The following CAMKV variants were observed in gnomAD, a reference collection of about 807,000 sequenced individuals.
CAMKV encodes caM kinase-like vesicle-associated protein.
In CAMKV, 5 loss-of-function variants were observed where a neutral mutation model predicts 50.2. The ratio of observed to expected loss-of-function variants is 0.10; its 90% CI spans 0.05 to 0.21. CAMKV has a LOEUF of 0.21. Ranked by LOEUF, CAMKV falls within the 10% of genes least tolerant of loss-of-function variation. The probability of loss-of-function intolerance (pLI) is 1.00; values close to 1 mark genes in which losing one functional copy is unlikely to be tolerated. For synonymous variants in CAMKV, 229 were observed against 250.1 expected, an observed-to-expected ratio of 0.92 and a Z score of 0.80; for missense variants, 361 against 650.5, an observed-to-expected ratio of 0.55 and a Z score of 4.84.
intron 1 of CAMKV, among the ~76,000 whole-genome samples, chr3:49,867,285 T>C (rs1157211768): frequency 6.6e-6 from 1 of 152,256 alleles, no homozygotes; most frequent in Non-Finnish European, 1.5e-5. Context: ...GTCAAGGGGC[T>C]GCCCTGACTG....
At position 49,858,313 on chromosome 3, in the gene CAMKV, T is replaced by C. The variant is rs138838028; in HGVS notation, c.*1005A>G. On this transcript the variant is annotated 3_prime_UTR_variant, in exon 11 of 11. Transcript: ENST00000477224. Reference sequence around the variant, plus strand: ...AAAGAGGGAGTTCCTCTTCATTTCATTGTTGAACTGAGCAGAAAATCTGCC... The same window carrying C: ...AAAGAGGGAGTTCCTCTTCATTTCACTGTTGAACTGAGCAGAAAATCTGCC... 2 of 398,644 alleles carry C rather than the reference T, an allele frequency of 5.0e-6. No individual in the cohort carries two copies. Among genetic ancestry groups the C allele is most frequent in the Admixed American group, 4.4e-5 (1 of 22,736 alleles). 24.7% of individuals were successfully genotyped at this position (398,644 alleles called of 1,614,324 possible).
chr3:49,864,295 A>G (rs530248868), intron 1 of CAMKV, among the ~76,000 whole-genome samples: 1 of 152,310 alleles, frequency 6.6e-6, no homozygotes, highest in Admixed American at 6.5e-5. Flanking sequence ...CAGGAAGAGC[A>G]AAACAAGCCT....
At chr3:49,865,054 TG>T (rs1454135403) in intron 1 of CAMKV, among the ~76,000 whole-genome samples, 2 of 152,198 alleles carry the variant, frequency 1.3e-5, no homozygotes, top group African/African-American at 4.8e-5. Context: ...CTGGGTTGCT[TG>T]GGCTCAGGGA....
chr3:49,867,884 CG>C (rs2082076900), intron 1 of CAMKV, among the ~76,000 whole-genome samples: 2 of 152,290 alleles, frequency 1.3e-5, no homozygotes, highest in East Asian at 3.9e-4. Flanking sequence ...CTGAAGGGGG[CG>C]GATGGGTGCC....
In CAMKV at chr3:49,861,107, TC is replaced by T; in HGVS notation, c.562+72del. 6.3e-7 allele frequency: 1 copy of T among 1,596,370 alleles called. No homozygotes were observed. Among genetic ancestry groups the T allele is most frequent in the Non-Finnish European group, 8.5e-7 (1 of 1,170,802 alleles). ...CCAGCTTCCTGAGATGAGCACATTT[TC>T]CCCCTGCCCAGAGCAGCTCCCTGAA... On this transcript the variant is annotated intron_variant, in intron 6 of 10. Coordinates refer to ENST00000477224, the MANE Select transcript of CAMKV (RefSeq NM_024046.5). This position sits in a 1 kb window ranked among gnomAD's most constrained non-coding sequence, Gnocchi z 7.7.
At position 49,861,804 on chromosome 3, in the gene CAMKV, T is replaced by C; in HGVS notation, c.289A>G (p.Ile97Val). ...ACCCACACTCACAGCTCCAGGAAGATAAAGTACTCCTTGCGGGTCACAAAC... is the reference window on the plus strand; with the variant it reads ...ACCCACACTCACAGCTCCAGGAAGACAAAGTACTCCTTGCGGGTCACAAAC... Reference protein sequence around the residue: ...DVFVTRKEYFIFLELATGREV... With the variant: ...DVFVTRKEYFVFLELATGREV... The change falls in exon 4 of 11, where the codon ATC becomes GTC. Residue 97 changes from isoleucine to valine, a missense_variant. Physicochemically the swap from Ile to Val is conservative, Grantham distance 29. Coordinates refer to ENST00000477224, the MANE Select transcript of CAMKV (RefSeq NM_024046.5). The surrounding 1 kb of genome is among the most constrained non-coding windows in gnomAD (Gnocchi z 7.7). The C allele has an allele frequency of 1.9e-6, 3 of 1,613,850 alleles. No individual in the cohort carries two copies. The highest frequency in any genetic ancestry group is 2.5e-6 in the Non-Finnish European group (3 of 1,179,878).
intron 1 of CAMKV, among the ~76,000 whole-genome samples, chr3:49,865,616 T>TA (rs1028222610): frequency 6.6e-6 from 1 of 152,246 alleles, no homozygotes; most frequent in African/African-American, 2.4e-5. Context: ...GCAAGAGCTC[T>TA]GCCCACCTTG....
chr3:49,859,600 T>A lies in CAMKV; in HGVS notation c.1224A>T (p.Gly408=), dbSNP rs1287241249. The part of the protein sequence containing the change: ...TDGSVTPATD[G]SITPATDGSV... ...TCCCATCAGTGGCTGGAGTGATGCT[T>A]CCATCGGTGGCTGGGGTGACACTGC... The change falls in exon 11 of 11, where the codon GGA becomes GGT. Residue 408 remains glycine (G), a synonymous_variant. Coordinates refer to ENST00000477224, the MANE Select transcript of CAMKV (RefSeq NM_024046.5). The surrounding 1 kb of genome is among the most constrained non-coding windows in gnomAD (Gnocchi z 5.5). 25 of 1,613,828 alleles carry A rather than the reference T, an allele frequency of 1.5e-5. No individual in the cohort carries two copies. In the Admixed American group the frequency reaches 4.2e-4, roughly 27 times the overall value.
rs2082006987 is a variant in CAMKV at position 49,859,891 on chromosome 3, G to C, written c.943-10C>G. 6.6e-7 allele frequency: 1 copy of C among 1,509,564 alleles called. No homozygotes were observed. The allele number at this position is 1,509,564 out of a possible 1,614,324, so 93.5% of individuals were successfully genotyped here. A position where few individuals can be genotyped will look rare whatever the true frequency, so the allele number is the denominator to read the frequency against. ...TCACTCGGACAGCCTTCTGAAAGGA[G>C]CACAGTGGAGAAAGGCTAAGGGTGA... On this transcript the variant is annotated splice_polypyrimidine_tract_variant and intron_variant, in intron 10 of 10. Transcript: ENST00000477224. This position sits in a 1 kb window ranked among gnomAD's most constrained non-coding sequence, Gnocchi z 5.5.
rs1263912716 is a variant in CAMKV at position 49,862,313 on chromosome 3, A to G, written c.76T>C (p.Leu26=). The change falls in exon 2 of 11, where the codon TTG becomes CTG. Residue 26 remains leucine (L), a synonymous_variant. Coordinates refer to ENST00000477224, the MANE Select transcript of CAMKV (RefSeq NM_024046.5). This position sits in a 1 kb window ranked among gnomAD's most constrained non-coding sequence, Gnocchi z 5.2. ...QPSEVTDRYD[L]GQVIKTEEFC... ...ACTCACGTCTTGATGACCTGTCCCA[A>G]ATCATATCTGTCAGTCACCTCCGAT... is the stretch of plus-strand genomic sequence containing the variant. 6.2e-7 allele frequency: 1 copy of G among 1,614,194 alleles called. No homozygotes were observed. The highest frequency in any genetic ancestry group is 8.5e-7 in the Non-Finnish European group (1 of 1,180,020).
At chr3:49,866,967 T>G (rs1257130983) in intron 1 of CAMKV, among the ~76,000 whole-genome samples, 2 of 152,146 alleles carry the variant, frequency 1.3e-5, no homozygotes, top group Non-Finnish European at 2.9e-5. Context: ...GAGCTTGCAG[T>G]AAATCTAGGG....
chr3:49,866,758 GT>G (rs2082068364), intron 1 of CAMKV, among the ~76,000 whole-genome samples: 1 of 152,242 alleles, frequency 6.6e-6, no homozygotes, highest in Admixed American at 6.5e-5. Context: ...GTGATAAATG[GT>G]CCCCCAGGGA....
chr3:49,859,596 T>C lies in CAMKV; in HGVS notation c.1228A>G (p.Ile410Val), dbSNP rs1228920749. 3.1e-6 allele frequency: 5 copies of C among 1,613,888 alleles called. No individual in the cohort carries two copies. The highest frequency in any genetic ancestry group is 3.4e-6 in the Non-Finnish European group (4 of 1,179,986). Residue 410 changes from isoleucine (I) to valine (V), a missense_variant, in exon 11 of 11, where the codon ATC becomes GTC. By Grantham distance (29) the Ile-to-Val change is conservative (BLOSUM62 3). This residue lies in a region of CAMKV where 27 missense variants were observed against 59.9 expected (regional missense o/e 0.45). Transcript: ENST00000477224. This position sits in a 1 kb window ranked among gnomAD's most constrained non-coding sequence, Gnocchi z 5.5. ...ACACTCCCATCAGTGGCTGGAGTGA[T>C]GCTTCCATCGGTGGCTGGGGTGACA... Reference protein sequence around the residue: ...GSVTPATDGSITPATDGSVTP... With the variant: ...GSVTPATDGSVTPATDGSVTP...
rs778933330 is a variant in CAMKV, at chr3:49,861,995, C to T, written c.227+50G>A. ...TGCCTGAGGCCACTTGCCCTCTAAG[C>T]CCTTCCCTGCTGCCTCCCACCCCGC... On this transcript the variant is annotated intron_variant, in intron 3 of 10. Coordinates refer to ENST00000477224, the MANE Select transcript of CAMKV (RefSeq NM_024046.5). This position sits in a 1 kb window ranked among gnomAD's most constrained non-coding sequence, Gnocchi z 7.7. 2 of 1,612,502 alleles carry T rather than the reference C, an allele frequency of 1.2e-6. No homozygotes were observed. Among genetic ancestry groups the T allele is most frequent in the Non-Finnish European group, 1.7e-6 (2 of 1,179,300 alleles).
Position 49,859,300 on chromosome 3 carries a change from C to A in CAMKV, c.*18G>T. 2 of 1,515,982 alleles carry A rather than the reference C, an allele frequency of 1.3e-6. No individual in the cohort carries two copies. Among genetic ancestry groups the A allele is most frequent in the South Asian group, 2.6e-5 (2 of 75,674 alleles). 93.9% of individuals were successfully genotyped at this position (1,515,982 alleles called of 1,614,324 possible). On this transcript the variant is annotated 3_prime_UTR_variant, in exon 11 of 11. Transcript: ENST00000477224. The surrounding 1 kb of genome is among the most constrained non-coding windows in gnomAD (Gnocchi z 5.5). ...ACCCTCCTGCCCATCCCCTGCCCCC[C>A]CTCACCAGGCTGCCTACTCAGCTGG...
Position 49,861,883 on chromosome 3 carries a change from A to G in CAMKV, c.228-18T>C, listed in dbSNP as rs2082024783. On this transcript the variant is annotated intron_variant, in intron 3 of 10. Transcript: ENST00000477224. This position sits in a 1 kb window ranked among gnomAD's most constrained non-coding sequence, Gnocchi z 7.7. ...GCTTCACCCTGGCGACAGGGAGGGG[A>G]GCCAGTAGTTAGGGCTGGATGAACC... 6.2e-7 allele frequency: 1 copy of G among 1,613,126 alleles called. No homozygotes were observed. The highest frequency in any genetic ancestry group is 1.3e-5 in the African/African-American group (1 of 74,856).
Position 49,859,962 on chromosome 3 carries a change from C to G in CAMKV, c.943-81G>C. On this transcript the variant is annotated intron_variant, in intron 10 of 10. Transcript: ENST00000477224. This position sits in a 1 kb window ranked among gnomAD's most constrained non-coding sequence, Gnocchi z 5.5. Reference sequence around the variant, plus strand: ...TGGCAGTGACCAAACCAAACTCCTTCCATAGTACCCCCGGCCACCTCCATC... The same window carrying G: ...TGGCAGTGACCAAACCAAACTCCTTGCATAGTACCCCCGGCCACCTCCATC... The G allele has an allele frequency of 5.2e-6, 7 of 1,342,840 alleles. No individual in the cohort carries two copies. Among genetic ancestry groups the G allele is most frequent in the Admixed American group, 2.5e-5 (1 of 39,288 alleles). 83.2% of individuals were successfully genotyped at this position (1,342,840 alleles called of 1,614,324 possible). A position where few individuals can be genotyped will look rare whatever the true frequency, so the allele number is the denominator to read the frequency against.
Position 49,860,294 on chromosome 3 carries a change from A to T in CAMKV, c.855-36T>A. ...TGCAAGTGTGTCTGGATCTGAGAGA[A>T]TGAGCCTTTGTGGAGACTCTGCTCA... On this transcript the variant is annotated intron_variant, in intron 9 of 10. Coordinates refer to ENST00000477224, the MANE Select transcript of CAMKV (RefSeq NM_024046.5). This position sits in a 1 kb window ranked among gnomAD's most constrained non-coding sequence, Gnocchi z 6.1. 1.2e-6 allele frequency: 2 copies of T among 1,602,332 alleles called. No individual in the cohort carries two copies. Among genetic ancestry groups the T allele is most frequent in the Non-Finnish European group, 1.7e-6 (2 of 1,169,344 alleles).
In CAMKV at chr3:49,862,982, C is replaced by T. The variant is rs923131932; in HGVS notation, c.-14-580G>A. 2.0e-5 allele frequency among the ~76,000 whole-genome samples: 3 copies of T among 152,250 alleles called. No homozygotes were observed. Among genetic ancestry groups the T allele is most frequent in the African/African-American group, 4.8e-5 (2 of 41,462 alleles). ...ATACAATGCTCATAGTAGCCATATA[C>T]ATAATCGCCAAAAATTGAAAACAGA... On this transcript the variant is annotated intron_variant, in intron 1 of 10. Transcript: ENST00000477224. This position sits in a 1 kb window ranked among gnomAD's most constrained non-coding sequence, Gnocchi z 5.2.
Sources: gnomAD v4.1 joint callset for allele counts (sites outside exome capture counted in the v4.1 genomes callset) on GRCh38, gnomAD v4.1.1 for gene constraint, gnomAD v4.1.1 regional missense constraint, Gnocchi (gnomAD v3.1) non-coding constraint, MANE v1.5 for transcripts, NCBI Gene and HGNC (gene_info 2026-07-23, HGNC 2026-07-21) for gene names.